MAF: variants seen among roughly 807,000 people sequenced by gnomAD.
The protein encoded by MAF is transcription factor Maf.
In MAF, 10 loss-of-function variants were observed where a neutral mutation model predicts 22.0. The ratio of observed to expected loss-of-function variants is 0.45; its 90% CI spans 0.28 to 0.77. The LOEUF is 0.77. Ranked by LOEUF, MAF falls within the 30% of genes least tolerant of loss-of-function variation. The pLI is 0.12. For synonymous variants in MAF, 337 were observed against 255.8 expected (o/e 1.32, Z -3.03); for missense variants, 544 against 548.4 (o/e 0.99, Z 0.08).
the MAF span, among the ~76,000 whole-genome samples, chr16:79,385,513 G>A: frequency 1.3e-4 from 20 of 152,156 alleles, no homozygotes; most frequent in South Asian, 2.1e-4. Context: ...CCCTTTTAAC[G>A]TACGCAAGCA....
chr16:79,541,580 C>A, the MAF span, among the ~76,000 whole-genome samples: 2 of 151,786 alleles, frequency 1.3e-5, no homozygotes, highest in African/African-American at 4.8e-5. Flanking sequence ...CAAGTTCATA[C>A]AGCTGGTGAA....
At chr16:79,343,432 C>A in the MAF span, among the ~76,000 whole-genome samples, 4 of 152,160 alleles carry the variant, frequency 2.6e-5, no homozygotes, top group Admixed American at 2.6e-4. Flanking sequence ...TTATTGAAAC[C>A]CACATCTGTG....
chr16:79,473,988 T>G, the MAF span, among the ~76,000 whole-genome samples: 1 of 151,996 alleles, frequency 6.6e-6, no homozygotes, highest in South Asian at 2.1e-4. Flanking sequence ...AGGTAGTTTA[T>G]TTAGTAGGGA....
the MAF span, among the ~76,000 whole-genome samples, chr16:79,319,118 T>G: frequency 2.0e-5 from 3 of 152,186 alleles, no homozygotes; most frequent in African/African-American, 7.2e-5. Context: ...CCTAAATCCC[T>G]GGCACACTCC....
chr16:79,302,808 C>T, the MAF span, among the ~76,000 whole-genome samples: 5 of 152,248 alleles, frequency 3.3e-5, no homozygotes, highest in African/African-American at 2.4e-5. Context: ...TTCAGCATTG[C>T]CACCAGTGTG....
the MAF span, among the ~76,000 whole-genome samples, chr16:79,558,346 G>C: frequency 6.6e-6 from 1 of 152,082 alleles, no homozygotes; most frequent in Admixed American, 6.5e-5. Context: ...AAGGAAGAGA[G>C]GCTGGTCCAT....
At chr16:79,499,439 G>A in the MAF span, among the ~76,000 whole-genome samples, 3 of 152,212 alleles carry the variant, frequency 2.0e-5, no homozygotes, top group Non-Finnish European at 4.4e-5. Context: ...GCTATAGTAG[G>A]CGGAACGGTG....
chr16:79,500,072 G>A, the MAF span, among the ~76,000 whole-genome samples: 1 of 152,232 alleles, frequency 6.6e-6, no homozygotes, highest in Non-Finnish European at 1.5e-5. Flanking sequence ...GAAGAGGCAA[G>A]CACCGGACCT....
At chr16:79,209,670 C>G in the MAF span, among the ~76,000 whole-genome samples, 1 of 152,172 alleles carries the variant, frequency 6.6e-6, no homozygotes, top group Non-Finnish European at 1.5e-5. Context: ...ACCATCTCCA[C>G]CAGAACTCTA....
chr16:79,297,241 G>A, the MAF span, among the ~76,000 whole-genome samples: 1 of 152,168 alleles, frequency 6.6e-6, no homozygotes, highest in Admixed American at 6.5e-5. Flanking sequence ...AAGTACTTTG[G>A]AGGAATTTTT....
At chr16:79,564,940 C>G in the MAF span, among the ~76,000 whole-genome samples, 1 of 152,142 alleles carries the variant, frequency 6.6e-6, no homozygotes, top group African/African-American at 2.4e-5. Context: ...TTTGGGTGGG[C>G]TGGTGTAAAA....
the MAF span, among the ~76,000 whole-genome samples, chr16:79,517,428 A>C: frequency 6.6e-6 from 1 of 152,120 alleles, no homozygotes; most frequent in Admixed American, 6.5e-5. Context: ...ACCCAGAGTA[A>C]CCTGGCAGCA....
the MAF span, among the ~76,000 whole-genome samples, chr16:79,426,785 G>A: frequency 1.4e-4 from 22 of 152,366 alleles, no homozygotes; most frequent in Admixed American, 1.2e-3. Context: ...ACAAAGGGTG[G>A]TTTTTCCCTC....
the MAF span, among the ~76,000 whole-genome samples, chr16:79,533,878 T>A: frequency 6.6e-6 from 1 of 152,290 alleles, no homozygotes; most frequent in African/African-American, 2.4e-5. Context: ...AAACAATAAC[T>A]GCTTAATGTC....
the MAF span, among the ~76,000 whole-genome samples, chr16:79,358,362 A>G: frequency 1.3e-5 from 2 of 152,160 alleles, no homozygotes. Context: ...AGGGATGAGA[A>G]CTGGACAGGC....
At chr16:79,364,018 G>GCA in the MAF span, among the ~76,000 whole-genome samples, 5,890 of 152,204 alleles carry the variant, frequency 0.039, 255 homozygotes, top group African/African-American at 0.1. Flanking sequence ...TGCCCGAAAA[G>GCA]CAACTCAAAG....
chr16:79,210,516 G>GTGGGGGCGAGCTTATCTTCAGTT, the MAF span, among the ~76,000 whole-genome samples: 1 of 152,264 alleles, frequency 6.6e-6, no homozygotes, highest in South Asian at 2.1e-4. Flanking sequence ...TGTTTTCCTT[G>GTGGGGGCGAGCTTATCTTCAGTT]TGGGGGCGAG....
At chr16:79,347,621 A>C in the MAF span, among the ~76,000 whole-genome samples, 1 of 152,192 alleles carries the variant, frequency 6.6e-6, no homozygotes, top group East Asian at 1.9e-4. Context: ...TGTCAGAGAA[A>C]GATCTGAGCC....
chr16:79,347,725 T>C, the MAF span, among the ~76,000 whole-genome samples: 1 of 152,096 alleles, frequency 6.6e-6, no homozygotes, highest in Non-Finnish European at 1.5e-5. Context: ...GGCAGGTGGA[T>C]TCCAGCTCTG....
Sources: gnomAD v4.1 joint callset for allele counts (sites outside exome capture counted in the v4.1 genomes callset) on GRCh38, gnomAD v4.1.1 for gene constraint, MANE v1.5 for transcripts, NCBI Gene and HGNC (gene_info 2026-07-23, HGNC 2026-07-21) for gene names.